The following SCO2 variants were observed in gnomAD, a reference collection of about 807,000 sequenced individuals.
The protein encoded by SCO2 is synthesis of cytochrome C oxidase 2.
For synonymous variants in SCO2, 195 were observed against 148.6 expected, an observed-to-expected ratio of 1.31 and a Z score of -2.27; for missense variants, 429 against 348.7, an observed-to-expected ratio of 1.23 and a Z score of -1.83.
chr22:50,526,101 C>CA, upstream of SCO2: 1 of 1,490,042 alleles, frequency 6.7e-7, no homozygotes, highest in Non-Finnish European at 8.9e-7. Flanking sequence ...GCTCGTGCAG[C>CA]ACCAGCGCCA....
At chr22:50,525,088 C>G (rs1218978348) in intron 1 of SCO2, among the ~76,000 whole-genome samples, 1 of 152,182 alleles carries the variant, frequency 6.6e-6, no homozygotes, top group Non-Finnish European at 1.5e-5. Flanking sequence ...TCCCACGGGC[C>G]CCCGCAGAAG....
intron 1 of SCO2, 44 bp from the exon 2 acceptor site, chr22:50,524,468 G>A (rs1157985806): frequency 2.5e-6 from 4 of 1,575,228 alleles, no homozygotes; most frequent in Non-Finnish European, 3.5e-6. Context: ...GGAAGGCCCA[G>A]GACAGTGCCT....
chr22:50,525,832 C>T (rs774894715), upstream of SCO2: 6 of 1,609,104 alleles, frequency 3.7e-6, no homozygotes, highest in East Asian at 4.5e-5. Context: ...GGCGCGCGGT[C>T]GGAGAGTACG....
Position 50,524,244 on chromosome 22 carries a change from C to T in SCO2, c.168G>A (p.Gly56=), listed in dbSNP as rs1406533463. The T allele has an allele frequency of 6.8e-6, 11 of 1,606,328 alleles. No individual in the cohort carries two copies. Among genetic ancestry groups the T allele is most frequent in the Non-Finnish European group, 9.3e-6 (11 of 1,179,892 alleles). ...CTGTGATCAGCAGCCGGGTTCGAAG[C>T]CCAGGGCCCTGGGGCTGGCCCTGCC... ...TGGQGQPQGP[G]LRTRLLITGL... is the part of the protein sequence containing the mutation. Residue 56 remains glycine, a synonymous_variant, in exon 2 of 2, where the codon GGG becomes GGA. Coordinates refer to ENST00000395693, the MANE Select transcript of SCO2 (RefSeq NM_005138.3).
Position 50,524,247 on chromosome 22 carries a change from A to G in SCO2, c.165T>C (p.Pro55=), listed in dbSNP as rs1325795352. ...TGATCAGCAGCCGGGTTCGAAGCCC[A>G]GGGCCCTGGGGCTGGCCCTGCCCAC... ...ETGGQGQPQG[P]GLRTRLLITG... is the part of the protein sequence containing the mutation. Residue 55 remains proline (P), a synonymous_variant, in exon 2 of 2, where the codon CCT becomes CCC. Transcript: ENST00000395693. The G allele has an allele frequency of 4.4e-6, 7 of 1,605,852 alleles. No individual in the cohort carries two copies. Among genetic ancestry groups the G allele is most frequent in the Non-Finnish European group, 4.2e-6 (5 of 1,179,838 alleles).
chr22:50,525,711 C>A, upstream of SCO2: 2 of 1,578,324 alleles, frequency 1.3e-6, no homozygotes, highest in South Asian at 1.1e-5. Context: ...CCCGCCTCCG[C>A]AGCCCTGGAT....
rs1468989922 is a variant in SCO2, at chr22:50,525,547, G to A, written c.-89C>T. ...CCTCCAGCTCCCTGCGCTCTGCCCCGCCGGCTCAGGGAAAGCGGGCGCCAC... is the reference window on the plus strand; with the variant it reads ...CCTCCAGCTCCCTGCGCTCTGCCCCACCGGCTCAGGGAAAGCGGGCGCCAC... On this transcript the variant is annotated 5_prime_UTR_variant, in exon 1 of 2. Coordinates refer to ENST00000395693, the MANE Select transcript of SCO2 (RefSeq NM_005138.3). 5 of 657,358 alleles carry A rather than the reference G, an allele frequency of 7.6e-6. No individual in the cohort carries two copies. In the East Asian group the frequency reaches 1.2e-4, roughly 16 times the overall value. 40.7% of individuals were successfully genotyped at this position (657,358 alleles called of 1,614,324 possible).
chr22:50,526,319 C>T (rs2069373610), upstream of SCO2: 2 of 1,562,506 alleles, frequency 1.3e-6, no homozygotes, highest in Non-Finnish European at 1.7e-6. Context: ...CGGGACTTCC[C>T]GAGCACAGGG....
chr22:50,526,426 C>A (rs1412008628), upstream of SCO2: 4 of 1,503,644 alleles, frequency 2.7e-6, no homozygotes, highest in Admixed American at 2.1e-5. Context: ...ACCCGGGCAG[C>A]GCCCTGGGCC....
At position 50,524,432 on chromosome 22, in the gene SCO2, C is replaced by T. The variant is rs998142149; in HGVS notation, c.-13-8G>A. 3 of 1,609,508 alleles carry T rather than the reference C, an allele frequency of 1.9e-6. No homozygotes were observed. The highest frequency in any genetic ancestry group is 2.5e-6 in the Non-Finnish European group (3 of 1,179,262). ...AGCATGGATCTGATGCTCCTGGAAA[C>T]AAGCACAGGCGTCAGGAGCCAGAAG... On this transcript the variant is annotated splice_region_variant and splice_polypyrimidine_tract_variant and intron_variant, in intron 1 of 1. Transcript: ENST00000395693.
upstream of SCO2, chr22:50,525,998 C>A: frequency 7.0e-7 from 1 of 1,422,464 alleles, no homozygotes. Flanking sequence ...GGGCGGCGCT[C>A]ACCACGGCGC....
chr22:50,524,845 C>T (rs548237232), intron 1 of SCO2: 2 of 364,624 alleles, frequency 5.5e-6, no homozygotes, highest in East Asian at 7.3e-5. Context: ...TTCCTGTTAC[C>T]TCCAGCCACT....
At position 50,523,904 on chromosome 22, in the gene SCO2, C is replaced by G. The variant is rs753614511; in HGVS notation, c.508G>C (p.Glu170Gln). 7.4e-6 allele frequency: 12 copies of G among 1,613,648 alleles called. No individual in the cohort carries two copies. The highest frequency in any genetic ancestry group is 1.3e-5 in the African/African-American group (1 of 74,920). The change falls in exon 2 of 2, where the codon GAG becomes CAG. Residue 170 changes from glutamate to glutamine, a missense_variant. By Grantham distance (29) the Glu-to-Gln change is conservative. Coordinates refer to ENST00000395693, the MANE Select transcript of SCO2 (RefSeq NM_005138.3). ...VQPVFITVDP[E>Q]RDDVEAMARY... The stretch of plus-strand genomic sequence containing the variant: ...GCCATGGCTTCAACGTCGTCCCGCT[C>G]GGGGTCCACAGTGATGAAGACAGGC...
At chr22:50,525,664 G>A, upstream of SCO2, 1 of 1,513,680 alleles carries the variant, frequency 6.6e-7, no homozygotes, top group Non-Finnish European at 9.0e-7. Flanking sequence ...CGCGGAAGGC[G>A]GAGCCCGCCG....
At chr22:50,526,011 C>G, upstream of SCO2, 1 of 1,462,934 alleles carries the variant, frequency 6.8e-7, no homozygotes, top group Non-Finnish European at 9.0e-7. Flanking sequence ...CACGGCGCAG[C>G]CTCTGACCCA....
In SCO2 at chr22:50,525,526, C is replaced by T. The variant is rs1241712873; in HGVS notation, c.-68G>A. ...AAGCACGAGAGGAAGCGCCGACCTC[C>T]AGCTCCCTGCGCTCTGCCCCGCCGG... is the stretch of plus-strand genomic sequence containing the variant. On this transcript the variant is annotated 5_prime_UTR_variant, in exon 1 of 2. Transcript: ENST00000395693. 3 of 592,584 alleles carry T rather than the reference C, an allele frequency of 5.1e-6. No individual in the cohort carries two copies. The highest frequency in any genetic ancestry group is 2.9e-6 in the Non-Finnish European group (1 of 345,152). 36.7% of individuals were successfully genotyped at this position (592,584 alleles called of 1,614,324 possible).
At position 50,523,966 on chromosome 22, in the gene SCO2, C is replaced by CG. The variant is rs2069206788; in HGVS notation, c.445dup (p.Arg149ProfsTer27). ...CAAACCAGGCTCTGCTTCCAGCTGC[C>CG]GCACCACCTGCACCAGCTTCTCCAG... On this transcript the variant is annotated frameshift_variant, in exon 2 of 2. Coordinates refer to ENST00000395693, the MANE Select transcript of SCO2 (RefSeq NM_005138.3). LOFTEE classifies it low-confidence loss of function (END_TRUNC). 1.2e-6 allele frequency: 2 copies of CG among 1,612,284 alleles called. No homozygotes were observed. The highest frequency in any genetic ancestry group is 2.7e-5 in the African/African-American group (2 of 74,904).
chr22:50,524,336 G>T lies in SCO2; in HGVS notation c.76C>A (p.Leu26Met), dbSNP rs1389293103. 6.2e-7 allele frequency: 1 copy of T among 1,601,718 alleles called. No homozygotes were observed. The highest frequency in any genetic ancestry group is 1.3e-5 in the African/African-American group (1 of 74,904). The change falls in exon 2 of 2, where the codon CTG becomes ATG. Residue 26 changes from leucine to methionine, a missense_variant. Physicochemically the swap from Leu to Met is conservative, Grantham distance 15. Coordinates refer to ENST00000395693, the MANE Select transcript of SCO2 (RefSeq NM_005138.3). ...CTCAGATGCAGGGCCTGGCCTCCCAGGGTCCCAGGGAGGACCCGAGGCTTG... is the reference window on the plus strand; with the variant it reads ...CTCAGATGCAGGGCCTGGCCTCCCATGGTCCCAGGGAGGACCCGAGGCTTG... ...QLKPRVLPGT[L>M]GGQALHLRSW...
At chr22:50,525,913 G>A (rs748956685), upstream of SCO2, 2 of 1,534,964 alleles carry the variant, frequency 1.3e-6, no homozygotes, top group South Asian at 2.4e-5. Context: ...CGGAGCCAGG[G>A]GGTCCCTGCA....
Sources: gnomAD v4.1 joint callset for allele counts (sites outside exome capture counted in the v4.1 genomes callset) on GRCh38, gnomAD v4.1.1 for gene constraint, MANE v1.5 for transcripts, NCBI Gene and HGNC (gene_info 2026-07-23, HGNC 2026-07-21) for gene names.